The following AASDHPPT variants were observed in gnomAD, a reference collection of about 807,000 sequenced individuals.
AASDHPPT encodes the protein L-aminoadipate-semialdehyde dehydrogenase-phosphopantetheinyl transferase.
AASDHPPT carries 23 observed loss-of-function variants against 36.4 expected under a neutral mutation model. That is an observed-to-expected ratio of 0.63 (90% CI 0.45 to 0.89). The LOEUF is 0.89. Ranked by LOEUF, AASDHPPT falls within the 40% of genes least tolerant of loss-of-function variation. The pLI is 0.00. For missense variants in AASDHPPT, 377 were observed against 378.2 expected (o/e 1.00, Z 0.03); for synonymous variants, 115 against 128.0 (o/e 0.90, Z 0.68).
rs1197568057 is a variant in AASDHPPT at position 106,098,457 on chromosome 11, A to G, written c.*1550A>G. On this transcript the variant is annotated 3_prime_UTR_variant, in exon 6 of 6. Transcript: ENST00000278618. ...AAATAATTTCATTGTTTCTGTTACT[A>G]ACATTAAAAGTGTGCAAATTGTATA... 6 of 152,082 alleles carry G rather than the reference A, an allele frequency of 3.9e-5. No homozygotes were observed. Among genetic ancestry groups the G allele is most frequent in the Non-Finnish European group, 8.8e-5 (6 of 67,962 alleles). 9.4% of individuals were successfully genotyped at this position (152,082 alleles called of 1,614,324 possible).
chr11:106,084,748 G>A (rs1861180380), intron 2 of AASDHPPT, among the ~76,000 whole-genome samples: 1 of 151,846 alleles, frequency 6.6e-6, no homozygotes, highest in South Asian at 2.1e-4. Flanking sequence ...TTTTGCCTCA[G>A]CCTCCAGTGT....
At chr11:106,078,783 C>CAT (rs1319286661) in intron 1 of AASDHPPT, among the ~76,000 whole-genome samples, 1 of 152,096 alleles carries the variant, frequency 6.6e-6, no homozygotes, top group Non-Finnish European at 1.5e-5. Flanking sequence ...AAAATATATA[C>CAT]TTTGTCATCT....
chr11:106,091,779 G>C, intron 4 of AASDHPPT: 1 of 213,820 alleles, frequency 4.7e-6, no homozygotes, highest in East Asian at 1.0e-4. Context: ...GGGTATTTAA[G>C]AGAGATTCCA....
rs774862757 is a variant in AASDHPPT, at chr11:106,096,760, T to C, written c.783T>C (p.Asp261=). The change falls in exon 6 of 6, where the codon GAT becomes GAC. Residue 261 remains aspartate (D), a synonymous_variant. Transcript: ENST00000278618. Reference sequence around the variant, plus strand: ...TCTTTTAGGTTCCATCTCAGGATGATTCCAAACCAACCCAGAGGCAATTTA... The same window carrying C: ...TCTTTTAGGTTCCATCTCAGGATGACTCCAAACCAACCCAGAGGCAATTTA... The part of the protein sequence containing the change: ...SRHQDVPSQD[D]SKPTQRQFTI... 6.2e-7 allele frequency: 1 copy of C among 1,602,994 alleles called. No homozygotes were observed. The highest frequency in any genetic ancestry group is 1.3e-5 in the African/African-American group (1 of 74,386).
chr11:106,086,575 A>G lies in AASDHPPT; in HGVS notation c.410-3982A>G, dbSNP rs533320765. Among the ~76,000 whole-genome samples the G allele has an allele frequency of 2.8e-4, 43 of 152,330 alleles. 1 individual carries two copies. Among genetic ancestry groups the G allele is most frequent in the African/African-American group, 9.4e-4 (39 of 41,570 alleles). On this transcript the variant is annotated intron_variant, in intron 2 of 5. Transcript: ENST00000278618. Reference sequence around the variant, plus strand: ...TGCAAAATTTATATCCATCTAACATACAAAGTAAATTCACCCCATCCCAGC... The same window carrying G: ...TGCAAAATTTATATCCATCTAACATGCAAAGTAAATTCACCCCATCCCAGC...
At chr11:106,084,475 TATA>T (rs1861177121) in intron 2 of AASDHPPT, among the ~76,000 whole-genome samples, 2 of 151,986 alleles carry the variant, frequency 1.3e-5, no homozygotes, top group Admixed American at 6.6e-5. Flanking sequence ...TATTTAATAT[TATA>T]ATAGAGACAG....
chr11:106,082,157 T>G (rs1861150300), intron 2 of AASDHPPT, among the ~76,000 whole-genome samples: 1 of 152,178 alleles, frequency 6.6e-6, no homozygotes, highest in Non-Finnish European at 1.5e-5. Context: ...GTCTAGGCCT[T>G]TTCCTTTTCT....
intron 4 of AASDHPPT, chr11:106,094,343 G>A: frequency 3.1e-6 from 1 of 324,626 alleles, no homozygotes; most frequent in Non-Finnish European, 5.5e-6. Context: ...CTGTGGTTAT[G>A]TAAGAGAATG....
chr11:106,080,145 A>G (rs1389132405), intron 2 of AASDHPPT, among the ~76,000 whole-genome samples: 2 of 152,150 alleles, frequency 1.3e-5, no homozygotes, highest in African/African-American at 4.8e-5. Context: ...AATTTTTTTC[A>G]GTAGTTGGCC....
At chr11:106,090,983 C>G (rs1480289186) in intron 3 of AASDHPPT, among the ~76,000 whole-genome samples, 1 of 151,964 alleles carries the variant, frequency 6.6e-6, no homozygotes, top group Non-Finnish European at 1.5e-5. Flanking sequence ...TCCTATATAA[C>G]AAACACTGAT....
intron 2 of AASDHPPT, among the ~76,000 whole-genome samples, chr11:106,088,634 G>C (rs1398970043): frequency 2.0e-5 from 3 of 151,974 alleles, no homozygotes; most frequent in Admixed American, 2.0e-4. Context: ...TGTTCTTTAA[G>C]ATGTTACTTA....
At chr11:106,093,383 A>G (rs1861276196) in intron 4 of AASDHPPT, 1 of 152,180 alleles carries the variant, frequency 6.6e-6, no homozygotes, top group Non-Finnish European at 1.5e-5. Context: ...CTGAAAAATT[A>G]TTTTAGATAT....
At chr11:106,083,866 C>T (rs1307287501) in intron 2 of AASDHPPT, among the ~76,000 whole-genome samples, 3 of 151,648 alleles carry the variant, frequency 2.0e-5, no homozygotes, top group Non-Finnish European at 4.4e-5. Flanking sequence ...TCTTTTCAAA[C>T]GAGACAGAGT....
intron 4 of AASDHPPT, chr11:106,093,784 C>CT (rs1340281569): frequency 3.3e-5 from 5 of 152,250 alleles, no homozygotes; most frequent in African/African-American, 1.2e-4. Flanking sequence ...TTAAAGTCCC[C>CT]TTCCCCTTTG....
chr11:106,079,431 C>T lies in AASDHPPT; in HGVS notation c.184-36C>T, dbSNP rs746235378. The stretch of plus-strand genomic sequence containing the variant: ...ACAGTGTGCTTGTATCTTTAGTAGA[C>T]ATCAGTACATACCAAATGTTTTATG... On this transcript the variant is annotated intron_variant, in intron 1 of 5. Transcript: ENST00000278618. 2.6e-5 allele frequency: 39 copies of T among 1,519,054 alleles called. No homozygotes were observed. The East Asian group carries it at 2.9e-4, about 11-fold the overall frequency. The allele number at this position is 1,519,054 out of a possible 1,614,324, so 94.1% of individuals were successfully genotyped here. A position where few individuals can be genotyped will look rare whatever the true frequency, so the allele number is the denominator to read the frequency against.
chr11:106,080,027 T>C (rs1167362653), intron 2 of AASDHPPT, among the ~76,000 whole-genome samples: 1 of 152,200 alleles, frequency 6.6e-6, no homozygotes, highest in East Asian at 1.9e-4. Flanking sequence ...GTTTGTTTTT[T>C]AAAAAAGAAT....
At chr11:106,083,810 A>G (rs1435237463) in intron 2 of AASDHPPT, among the ~76,000 whole-genome samples, 2 of 152,164 alleles carry the variant, frequency 1.3e-5, no homozygotes, top group Non-Finnish European at 2.9e-5. Flanking sequence ...TTAGGACAAA[A>G]TATAGTTGAC....
chr11:106,096,524 T>C (rs996829725), intron 5 of AASDHPPT: 6 of 365,226 alleles, frequency 1.6e-5, no homozygotes, highest in African/African-American at 1.3e-4. Context: ...GTTTTTGTTA[T>C]ATAAAAAAGT....
rs1861336716 is a variant in AASDHPPT, at chr11:106,098,103, C to G, written c.*1196C>G. 1 of 152,002 alleles carries G rather than the reference C, an allele frequency of 6.6e-6. No individual in the cohort carries two copies. The highest frequency in any genetic ancestry group is 6.6e-5 in the Admixed American group (1 of 15,238). The allele number at this position is 152,002 out of a possible 1,614,324, so 9.4% of individuals were successfully genotyped here. On this transcript the variant is annotated 3_prime_UTR_variant, in exon 6 of 6. Transcript: ENST00000278618. ...ACTATATGTATGTGACTTCCCTCCC[C>G]CTGCCAGAATACTCCTTGGTCAATT...
Sources: allele counts gnomAD v4.1 joint callset (sites outside exome capture counted in the v4.1 genomes callset), GRCh38; gene constraint gnomAD v4.1.1; transcripts MANE v1.5; gene names NCBI Gene and HGNC (gene_info 2026-07-23, HGNC 2026-07-21).